Variants in ENPP3 observed in about 807,000 individuals in gnomAD.
ENPP3 encodes the protein ectonucleotide pyrophosphatase/phosphodiesterase family member 3.
Under a neutral mutation model 117.8 loss-of-function variants are expected in ENPP3, and 104 were observed. That is an observed-to-expected ratio of 0.88 (90% CI 0.75 to 1.04). ENPP3 has a LOEUF of 1.04. Ranked by LOEUF, ENPP3 falls within the 50% of genes least tolerant of loss-of-function variation. The pLI, the probability that ENPP3 is intolerant of heterozygous loss-of-function variation, is 0.00. For missense variants in ENPP3, 1,026 were observed against 1,051.9 expected (o/e 0.98, Z 0.34); for synonymous variants, 380 against 349.9 (o/e 1.09, Z -0.96).
At chr6:131,641,961 A>C (rs1040195068) in intron 2 of ENPP3, among the ~76,000 whole-genome samples, 1 of 151,184 alleles carries the variant, frequency 6.6e-6, no homozygotes, top group African/African-American at 2.4e-5. Flanking sequence ...CACCCGGCTA[A>C]TTTTTGCAGT....
chr6:131,739,772 A>G (rs1011300081), intron 23 of ENPP3, among the ~76,000 whole-genome samples: 3 of 151,682 alleles, frequency 2.0e-5, no homozygotes, highest in African/African-American at 7.3e-5. Flanking sequence ...CTTTAAAACT[A>G]TATAAAGACA....
At chr6:131,712,313 AT>A (rs1394654534) in intron 15 of ENPP3, among the ~76,000 whole-genome samples, 1 of 146,466 alleles carries the variant, frequency 6.8e-6, no homozygotes, top group African/African-American at 2.7e-5. Context: ...AGAATTTTGA[AT>A]TTTTTTTCTG....
At chr6:131,707,003 G>T (rs1421469650) in intron 15 of ENPP3, among the ~76,000 whole-genome samples, 1 of 151,752 alleles carries the variant, frequency 6.6e-6, no homozygotes, top group Non-Finnish European at 1.5e-5. Flanking sequence ...AAAAGATTGT[G>T]TAGAATTGGT....
intron 2 of ENPP3, among the ~76,000 whole-genome samples, chr6:131,645,431 C>G (rs1198548330): frequency 6.6e-6 from 1 of 152,118 alleles, no homozygotes; most frequent in Non-Finnish European, 1.5e-5. Context: ...ATTTCTCTGC[C>G]CTGTTGCTCT....
intron 8 of ENPP3, 23 bp from the exon 9 acceptor site, chr6:131,675,057 G>T (rs370769165): frequency 1.4e-6 from 2 of 1,476,270 alleles, no homozygotes; most frequent in Admixed American, 3.3e-5. Flanking sequence ...ACTGACTTTC[G>T]CTTATCCTAA....
At chr6:131,669,655 C>CAAAAAA (rs67597128) in intron 6 of ENPP3, among the ~76,000 whole-genome samples, 10 of 61,720 alleles carry the variant, frequency 1.6e-4, no homozygotes, top group African/African-American at 3.3e-4. Flanking sequence ...GACTCCATCT[C>CAAAAAA]AAAAAAAAAA....
At chr6:131,677,977 T>G in intron 11 of ENPP3, 37 bp downstream of exon 11, 1 of 1,241,204 alleles carries the variant, frequency 8.1e-7, no homozygotes, top group Non-Finnish European at 1.2e-6. Flanking sequence ...AAAAAAAATG[T>G]AAAATCATCT....
intron 7 of ENPP3, among the ~76,000 whole-genome samples, chr6:131,673,773 T>C (rs774752009): frequency 1.1e-4 from 16 of 152,038 alleles, no homozygotes; most frequent in African/African-American, 3.6e-4. Flanking sequence ...GTACTGAACA[T>C]GTACAGACTT....
chr6:131,737,953 T>G, intron 22 of ENPP3, 78 bp from the exon 23 acceptor site: 2 of 994,338 alleles, frequency 2.0e-6, no homozygotes, highest in Non-Finnish European at 2.9e-6. Flanking sequence ...GTTATTTAAA[T>G]GTACTTGTCT....
At chr6:131,643,482 C>T (rs1778093605) in intron 2 of ENPP3, among the ~76,000 whole-genome samples, 1 of 152,106 alleles carries the variant, frequency 6.6e-6, no homozygotes, top group African/African-American at 2.4e-5. Context: ...GCATGCTCTT[C>T]CCTCTCCCTG....
chr6:131,742,746 A>G (rs1255939528), intron 24 of ENPP3, among the ~76,000 whole-genome samples: 1 of 152,174 alleles, frequency 6.6e-6, no homozygotes, highest in African/African-American at 2.4e-5. Flanking sequence ...ACTTGAACAC[A>G]TCTTGAGTTT....
chr6:131,680,956 G>A (rs1779010231), intron 11 of ENPP3, among the ~76,000 whole-genome samples: 1 of 152,016 alleles, frequency 6.6e-6, no homozygotes, highest in Non-Finnish European at 1.5e-5. Context: ...AGGCAGACAG[G>A]TACACAGATG....
chr6:131,698,078 A>C (rs1014631473), intron 15 of ENPP3, among the ~76,000 whole-genome samples: 1 of 152,036 alleles, frequency 6.6e-6, no homozygotes, highest in Non-Finnish European at 1.5e-5. Context: ...AGCAGTGTTA[A>C]ATAAGATTAG....
At chr6:131,744,802 TAC>T (rs72401502) in intron 24 of ENPP3, among the ~76,000 whole-genome samples, 32,953 of 146,384 alleles carry the variant, frequency 0.23, 3,769 homozygotes, top group African/African-American at 0.28. Context: ...AGGTCATTTA[TAC>T]ACACACACAC....
At chr6:131,651,772 G>A (rs1280377709) in intron 3 of ENPP3, among the ~76,000 whole-genome samples, 3 of 152,186 alleles carry the variant, frequency 2.0e-5, no homozygotes, top group Non-Finnish European at 4.4e-5. Flanking sequence ...AGTATAGATA[G>A]AGATCTGTGT....
intron 11 of ENPP3, among the ~76,000 whole-genome samples, chr6:131,680,155 C>CT (rs1778993516): frequency 6.6e-6 from 1 of 152,066 alleles, no homozygotes; most frequent in Non-Finnish European, 1.5e-5. Context: ...GTTAGCTTTC[C>CT]CAACATTCCA....
At chr6:131,680,552 A>G (rs1193908123) in intron 11 of ENPP3, among the ~76,000 whole-genome samples, 1 of 151,918 alleles carries the variant, frequency 6.6e-6, no homozygotes, top group East Asian at 1.9e-4. Flanking sequence ...GAGAAAATAG[A>G]AGGGTTAGGA....
At chr6:131,654,381 T>C (rs529398155) in intron 5 of ENPP3, among the ~76,000 whole-genome samples, 1 of 152,184 alleles carries the variant, frequency 6.6e-6, no homozygotes, top group East Asian at 1.9e-4. Flanking sequence ...ACTCAACTGA[T>C]CCTCCTGCCT....
chr6:131,679,433 A>T (rs570349240), intron 11 of ENPP3, among the ~76,000 whole-genome samples: 2 of 148,728 alleles, frequency 1.3e-5, no homozygotes, highest in South Asian at 4.3e-4. Flanking sequence ...GTTTGATATG[A>T]TTTGTCCTTT....
Sources: gnomAD v4.1 joint callset for allele counts (sites outside exome capture counted in the v4.1 genomes callset) on GRCh38, gnomAD v4.1.1 for gene constraint, MANE v1.5 for transcripts, NCBI Gene and HGNC (gene_info 2026-07-23, HGNC 2026-07-21) for gene names.